The following DHX38 variants were observed in gnomAD, a reference collection of about 807,000 sequenced individuals.
DHX38 encodes the protein pre-mRNA-splicing factor ATP-dependent RNA helicase PRP16.
DHX38 carries 100 observed loss-of-function variants against 153.1 expected under a neutral mutation model. The ratio of observed to expected loss-of-function variants is 0.65; its 90% CI spans 0.56 to 0.77. The LOEUF is 0.77. DHX38 is among the 30% of genes least tolerant of loss of function. DHX38 has a pLI of 0.00. For synonymous variants in DHX38, 650 were observed against 631.7 expected, an observed-to-expected ratio of 1.03 and a Z score of -0.43; for missense variants, 1,440 against 1,654.0, an observed-to-expected ratio of 0.87 and a Z score of 2.24.
In DHX38 at chr16:72,100,072, C is replaced by T. The variant is rs116122510; in HGVS notation, c.1116+185C>T. On this transcript the variant is annotated intron_variant, in intron 8 of 26. Coordinates refer to ENST00000268482, the MANE Select transcript of DHX38 (RefSeq NM_014003.4). ...TAGTAGCTTAAGGAAAGCCCCGGCT[C>T]GTACTTCTCTCTTTTGCAGTACTTC... Among the ~76,000 whole-genome samples, 924 of 152,210 alleles carry T rather than the reference C, an allele frequency of 6.1e-3. 11 individuals are homozygous for T. The highest frequency in any genetic ancestry group is 0.021 in the African/African-American group (859 of 41,504).
chr16:72,112,855 A>ATT lies in DHX38; in HGVS notation c.*359_*360dup, dbSNP rs1209992452. 2.9e-6 allele frequency: 2 copies of ATT among 701,100 alleles called. No homozygotes were observed. The highest frequency in any genetic ancestry group is 2.0e-5 in the Admixed American group (1 of 49,590). 43.4% of individuals were successfully genotyped at this position (701,100 alleles called of 1,614,324 possible). A position where few individuals can be genotyped will look rare whatever the true frequency, so the allele number is the denominator to read the frequency against. ...AAGCAGCAAAAAAGACCTAAAGGGA[A>ATT]TTGTAATTTGGTTATAATTCAGGAT... is the stretch of plus-strand genomic sequence containing the variant. On this transcript the variant is annotated 3_prime_UTR_variant, in exon 27 of 27. Transcript: ENST00000268482.
intron 11 of DHX38, among the ~76,000 whole-genome samples, chr16:72,102,480 G>A (rs924489786): frequency 6.6e-6 from 1 of 152,184 alleles, no homozygotes; most frequent in Non-Finnish European, 1.5e-5. Context: ...GAAAGTGACA[G>A]TGCTCTGCAT....
chr16:72,099,877 A>G lies in DHX38; in HGVS notation c.1106A>G (p.Gln369Arg). Residue 369 changes from glutamine to arginine, a missense_variant, in exon 8 of 27, where the codon CAG (glutamine) becomes CGG (arginine). This residue lies in a region of DHX38 where 77 missense variants were observed against 125.4 expected (regional missense o/e 0.61). Coordinates refer to ENST00000268482, the MANE Select transcript of DHX38 (RefSeq NM_014003.4). Reference sequence around the variant, plus strand: ...AAGCGCATTTCAGCTCAGCGGAGACAGATCAATGAGGTGAGGCTGCCTGCA... The same window carrying G: ...AAGCGCATTTCAGCTCAGCGGAGACGGATCAATGAGGTGAGGCTGCCTGCA... The part of the protein sequence containing the change: ...KQKRISAQRR[Q>R]INEDNERWET... 6.2e-7 allele frequency: 1 copy of G among 1,606,018 alleles called. No individual in the cohort carries two copies.
At chr16:72,102,147 T>C (rs9932056) in intron 11 of DHX38, among the ~76,000 whole-genome samples, 54 of 152,370 alleles carry the variant, frequency 3.5e-4, no homozygotes, top group African/African-American at 7.5e-4. Context: ...GCTGGACTTA[T>C]CTGTCCCTTA....
Position 72,107,284 on chromosome 16 carries a change from T to C in DHX38, c.2601-56T>C. The C allele has an allele frequency of 1.9e-6, 3 of 1,547,546 alleles. No individual in the cohort carries two copies. The highest frequency in any genetic ancestry group is 4.5e-5 in the East Asian group (2 of 44,468). ...CTCCCTCCCTGTGGGATTTCATCTGTACTGGCTGCTGTGGGGTTTCCTTGT... is the reference window on the plus strand; with the variant it reads ...CTCCCTCCCTGTGGGATTTCATCTGCACTGGCTGCTGTGGGGTTTCCTTGT... On this transcript the variant is annotated intron_variant, in intron 19 of 26. Transcript: ENST00000268482. The surrounding 1 kb of genome is among the most constrained non-coding windows in gnomAD (Gnocchi z 5.3).
rs2042101845 is a variant in DHX38, at chr16:72,101,562, G to C, written c.1449G>C (p.Lys483Asn). Residue 483 changes from lysine to asparagine, a missense_variant, in exon 11 of 27, where the codon AAG (lysine) becomes AAC (asparagine). Physicochemically the swap from Lys to Asn is moderately conservative, Grantham distance 94. Coordinates refer to ENST00000268482, the MANE Select transcript of DHX38 (RefSeq NM_014003.4). Reference sequence around the variant, plus strand: ...TGGGAGATATAATGGGCGTCAAGAAGGAGGAAGAGCCAGATAAAGCTGTGA... The same window carrying C: ...TGGGAGATATAATGGGCGTCAAGAACGAGGAAGAGCCAGATAAAGCTGTGA... ...TKLGDIMGVK[K>N]EEEPDKAVTE... 1.3e-6 allele frequency: 2 copies of C among 1,552,134 alleles called. No homozygotes were observed. The highest frequency in any genetic ancestry group is 1.7e-6 in the Non-Finnish European group (2 of 1,147,236).
At position 72,094,016 on chromosome 16, in the gene DHX38, C is replaced by G. The variant is rs1011167137; in HGVS notation, c.-55C>G. On this transcript the variant is annotated 5_prime_UTR_variant, in exon 1 of 27. Coordinates refer to ENST00000268482, the MANE Select transcript of DHX38 (RefSeq NM_014003.4). ...GTGGCAGCGCCGGCGCCCCAGAATC[C>G]GGGACAGAAGGGTCCCAAGAGTCGC... 2.8e-4 allele frequency: 43 copies of G among 152,572 alleles called. No homozygotes were observed. The highest frequency in any genetic ancestry group is 9.9e-4 in the African/African-American group (41 of 41,452). The allele number at this position is 152,572 out of a possible 1,614,324, so 9.5% of individuals were successfully genotyped here. A position where few individuals can be genotyped will look rare whatever the true frequency, so the allele number is the denominator to read the frequency against.
rs2042192008 is a variant in DHX38, at chr16:72,107,324, G to A, written c.2601-16G>A. On this transcript the variant is annotated splice_polypyrimidine_tract_variant and intron_variant, in intron 19 of 26. Coordinates refer to ENST00000268482, the MANE Select transcript of DHX38 (RefSeq NM_014003.4). The surrounding 1 kb of genome is among the most constrained non-coding windows in gnomAD (Gnocchi z 5.3). ...GGTTTCCTTGTGGTGAGAAGATGGG[G>A]TCTTCTCCCCGGCAGGCTCTACACC... The A allele has an allele frequency of 1.3e-6, 2 of 1,597,174 alleles. No individual in the cohort carries two copies. The highest frequency in any genetic ancestry group is 1.7e-5 in the Admixed American group (1 of 59,580).
chr16:72,105,858 A>G (rs963060209), intron 18 of DHX38, 147 bp from the exon 19 acceptor site: 2 of 742,712 alleles, frequency 2.7e-6, no homozygotes, highest in Non-Finnish European at 4.5e-6. Flanking sequence ...TGTGGGGAAG[A>G]CTTCTTCAGG....
chr16:72,096,056 T>C, intron 1 of DHX38, 83 bp from the exon 2 acceptor site: 1 of 1,394,568 alleles, frequency 7.2e-7, no homozygotes, highest in Non-Finnish European at 9.7e-7. Context: ...GTTAATCACC[T>C]ACATATAACC....
At chr16:72,111,511 T>C (rs911943798) in intron 26 of DHX38, among the ~76,000 whole-genome samples, 5 of 152,224 alleles carry the variant, frequency 3.3e-5, no homozygotes, top group African/African-American at 1.2e-4. Flanking sequence ...TCCTTACTGG[T>C]GTCCCCATGG....
At chr16:72,106,201 G>T in intron 19 of DHX38, 84 bp downstream of exon 19, 1 of 1,335,852 alleles carries the variant, frequency 7.5e-7, no homozygotes, top group Non-Finnish European at 1.1e-6. Flanking sequence ...GCAGGATGCT[G>T]GCTCTAGAGC....
chr16:72,103,130 T>C lies in DHX38; in HGVS notation c.1556T>C (p.Phe519Ser). The C allele has an allele frequency of 6.2e-7, 1 of 1,614,200 alleles. No individual in the cohort carries two copies. The highest frequency in any genetic ancestry group is 1.3e-5 in the African/African-American group (1 of 75,048). Residue 519 changes from phenylalanine to serine, a missense_variant, in exon 12 of 27, where the codon TTT (phenylalanine) becomes TCT (serine). By Grantham distance (155) the Phe-to-Ser change is radical. Transcript: ENST00000268482. ...MKRKSEASSE[F>S]AKKKSILEQR... ...AGAAAGAGCGAAGCCAGCAGTGAAT[T>C]TGCAAAGAAGAAGTCCATCCTGGAG...
At chr16:72,094,587 G>A (rs2041980333) in intron 1 of DHX38, 1 of 152,186 alleles carries the variant, frequency 6.6e-6, no homozygotes, top group South Asian at 2.1e-4. Flanking sequence ...CGTACGCCTT[G>A]TAGTTTCTTT....
At chr16:72,095,438 T>G (rs930124869) in intron 1 of DHX38, among the ~76,000 whole-genome samples, 4 of 152,230 alleles carry the variant, frequency 2.6e-5, no homozygotes, top group African/African-American at 9.6e-5. Context: ...GCCCCATCTC[T>G]GTGCTGCTGT....
chr16:72,112,463 C>G lies in DHX38; in HGVS notation c.3650C>G (p.Thr1217Ser). Residue 1217 changes from threonine (T) to serine (S), a missense_variant, in exon 27 of 27, where the codon ACC becomes AGC. By Grantham distance (58) the Thr-to-Ser change is moderately conservative. Coordinates refer to ENST00000268482, the MANE Select transcript of DHX38 (RefSeq NM_014003.4). Reference protein sequence around the residue: ...PGRKEQGEPMTPRRTPARFGL With the variant: ...PGRKEQGEPMSPRRTPARFGL ...CGGAAAGAGCAAGGGGAGCCCATGA[C>G]CCCTCGCCGCACGCCAGCCCGCTTT... The G allele has an allele frequency of 6.2e-7, 1 of 1,612,096 alleles. No homozygotes were observed. Among genetic ancestry groups the G allele is most frequent in the Non-Finnish European group, 8.5e-7 (1 of 1,180,026 alleles).
rs1249611694 is a variant in DHX38, at chr16:72,108,903, A to G, written c.3359A>G (p.His1120Arg). 1 of 1,610,960 alleles carries G rather than the reference A, an allele frequency of 6.2e-7. No individual in the cohort carries two copies. The highest frequency in any genetic ancestry group is 8.5e-7 in the Non-Finnish European group (1 of 1,178,526). ...MGYTPDYIVY[H>R]ELVMTTKEYM... is the part of the protein sequence containing the mutation. Reference sequence around the variant, plus strand: ...TACACCCCAGATTACATAGTGTATCACGAGTTGGTCATGACCACCAAGGTG... The same window carrying G: ...TACACCCCAGATTACATAGTGTATCGCGAGTTGGTCATGACCACCAAGGTG... The change falls in exon 24 of 27, where the codon CAC (histidine) becomes CGC (arginine). Residue 1120 changes from histidine (H) to arginine (R), a missense_variant. His to Arg is a conservative substitution (Grantham distance 29). Around this residue, in one of 6 missense-constraint regions of DHX38, gnomAD observed 543 missense variants for 717.9 expected, o/e 0.76. Coordinates refer to ENST00000268482, the MANE Select transcript of DHX38 (RefSeq NM_014003.4).
chr16:72,096,294 C>T lies in DHX38; in HGVS notation c.137C>T (p.Pro46Leu), dbSNP rs1259786795. Reference sequence around the variant, plus strand: ...GTCTTCAAGGCTCCTGCTCCCCGCCCTTCATTACTCGGACTGGACTTGCTG... The same window carrying T: ...GTCTTCAAGGCTCCTGCTCCCCGCCTTTCATTACTCGGACTGGACTTGCTG... ...QHVFKAPAPRPSLLGLDLLAS... is the reference protein window; with the variant it reads ...QHVFKAPAPRLSLLGLDLLAS... The change falls in exon 2 of 27, where the codon CCT becomes CTT. Residue 46 changes from proline (P) to leucine (L), a missense_variant. This residue lies in a region of DHX38 where 483 missense variants were observed against 465.1 expected (regional missense o/e 1.04). Transcript: ENST00000268482. 1 of 1,614,186 alleles carries T rather than the reference C, an allele frequency of 6.2e-7. No individual in the cohort carries two copies. Among genetic ancestry groups the T allele is most frequent in the South Asian group, 1.1e-5 (1 of 91,084 alleles).
In DHX38 at chr16:72,105,536, A is replaced by C; in HGVS notation, c.2399A>C (p.Lys800Thr). The C allele has an allele frequency of 6.2e-7, 1 of 1,614,158 alleles. No homozygotes were observed. The change falls in exon 18 of 27, where the codon AAG becomes ACG. Residue 800 changes from lysine to threonine, a missense_variant. This residue lies in a region of DHX38 where 543 missense variants were observed against 717.9 expected (regional missense o/e 0.76). Coordinates refer to ENST00000268482, the MANE Select transcript of DHX38 (RefSeq NM_014003.4). ...CTCTAGGCTCCAGATGGCGTTCGGA[A>C]GTGCATCGTTGCCACCAATATTGCC... is the stretch of plus-strand genomic sequence containing the variant. ...IFQKAPDGVRKCIVATNIAET... is the reference protein window; with the variant it reads ...IFQKAPDGVRTCIVATNIAET...
Sources: allele counts gnomAD v4.1 joint callset (sites outside exome capture counted in the v4.1 genomes callset), GRCh38; gene constraint gnomAD v4.1.1; regional missense constraint gnomAD v4.1.1; non-coding constraint Gnocchi (gnomAD v3.1); transcripts MANE v1.5; gene names NCBI Gene and HGNC (gene_info 2026-07-23, HGNC 2026-07-21).